The following KIF7 variants were observed in gnomAD, a reference collection of about 807,000 sequenced individuals.
KIF7 encodes the protein kinesin family member 7.
A neutral mutation model predicts 135.7 loss-of-function variants in KIF7; 104 were observed. That is an observed-to-expected ratio of 0.77 (90% CI 0.65 to 0.90). The LOEUF (loss-of-function observed/expected upper bound fraction) is 0.90. KIF7 is among the 40% of genes least tolerant of loss of function. The pLI, the probability that KIF7 is intolerant of heterozygous loss-of-function variation, is 0.00. For missense variants in KIF7, 2,005 were observed against 1,839.1 expected, an observed-to-expected ratio of 1.09 and a Z score of -1.65; for synonymous variants, 883 against 809.4, an observed-to-expected ratio of 1.09 and a Z score of -1.54.
In KIF7 at chr15:89,634,617, G is replaced by A. The variant is rs544921029; in HGVS notation, c.2395-734C>T. Among the ~76,000 whole-genome samples, 10 of 152,334 alleles carry A rather than the reference G, an allele frequency of 6.6e-5. No homozygotes were observed. The South Asian group carries it at 1.0e-3, about 16-fold the overall frequency. On this transcript the variant is annotated intron_variant, in intron 11 of 18. Transcript: ENST00000394412. ...TCCCACCAGAATACTGCGCTTTTCC[G>A]ATGGGCTTAAAAAAGGCACACCAGG... is the stretch of plus-strand genomic sequence containing the variant.
chr15:89,629,255 G>C, intron 17 of KIF7, 120 bp downstream of exon 17: 1 of 1,222,288 alleles, frequency 8.2e-7, no homozygotes, highest in African/African-American at 1.7e-5. Context: ...CAGGGCTGTA[G>C]GTGCAGGGGC....
At chr15:89,625,569 G>C, downstream of KIF7, 1 of 1,613,068 alleles carries the variant, frequency 6.2e-7, no homozygotes, top group Non-Finnish European at 8.5e-7. Flanking sequence ...CGCCTCCCAG[G>C]AACAGCATGC....
chr15:89,617,407 T>A (rs1449483939), intron 2 of KIF7, among the ~76,000 whole-genome samples: 4 of 152,256 alleles, frequency 2.6e-5, no homozygotes, highest in African/African-American at 9.6e-5. Flanking sequence ...TTGCTGCTCA[T>A]TACTGTGATA....
chr15:89,629,008 A>T lies in KIF7; in HGVS notation c.3632T>A (p.Leu1211His). The change falls in exon 18 of 19, where the codon CTC (leucine) becomes CAC (histidine). Residue 1211 changes from leucine (L) to histidine (H), a missense_variant. Leu to His is a moderately conservative substitution (Grantham distance 99, BLOSUM62 -3). Transcript: ENST00000394412. ...MWINQELKQK[L>H]GGVNAVGHSR... ...GTGGCCTACAGCGTTCACACCGCCG[A>T]GCTTCTGTTTCAGTTCCTGGTTTAT... 4 of 1,613,432 alleles carry T rather than the reference A, an allele frequency of 2.5e-6. No homozygotes were observed. The highest frequency in any genetic ancestry group is 3.4e-6 in the Non-Finnish European group (4 of 1,179,890).
chr15:89,632,731 T>C, intron 14 of KIF7, 89 bp downstream of exon 14: 1 of 1,416,930 alleles, frequency 7.1e-7, no homozygotes. Context: ...GAAACTTACT[T>C]GGCAGGAGCT....
chr15:89,639,678 T>A (rs997846759), intron 11 of KIF7, among the ~76,000 whole-genome samples: 1 of 140,260 alleles, frequency 7.1e-6, no homozygotes, highest in Admixed American at 7.2e-5. Flanking sequence ...ATAGGAACAC[T>A]TTTACACTGT....
At position 89,654,187 on chromosome 15, in the gene KIF7, T is replaced by G. The variant is rs553488176; in HGVS notation, c.-25+1212A>C. ...ACCACGCCCGGCTAATTTTTTGTATTTTTCATAGAGACAGGGTTTCACCGT... is the reference window on the plus strand; with the variant it reads ...ACCACGCCCGGCTAATTTTTTGTATGTTTCATAGAGACAGGGTTTCACCGT... On this transcript the variant is annotated intron_variant, in intron 1 of 18. Coordinates refer to ENST00000394412, the MANE Select transcript of KIF7 (RefSeq NM_198525.3). 3.3e-5 allele frequency among the ~76,000 whole-genome samples: 5 copies of G among 152,154 alleles called. No individual in the cohort carries two copies. In the South Asian group the frequency reaches 1.0e-3, roughly 32 times the overall value.
intron 2 of KIF7, 98 bp from the exon 3 acceptor site, chr15:89,650,039 G>A: frequency 7.9e-7 from 1 of 1,260,346 alleles, no homozygotes; most frequent in Non-Finnish European, 1.1e-6. Flanking sequence ...GCTGGAGGAT[G>A]GTGCTCTAGG....
intron 1 of KIF7, among the ~76,000 whole-genome samples, chr15:89,622,003 T>TTTG (rs1963434406): frequency 6.7e-6 from 1 of 148,500 alleles, no homozygotes; most frequent in African/African-American, 2.5e-5. Context: ...TTTTTTTTTT[T>TTTG]GGAGACAGAG....
upstream of KIF7, among the ~76,000 whole-genome samples, chr15:89,656,692 A>G (rs1287905927): frequency 6.6e-6 from 1 of 152,222 alleles, no homozygotes; most frequent in African/African-American, 2.4e-5. Flanking sequence ...CCAAGCATCT[A>G]TCTGTCAGAT....
intron 11 of KIF7, among the ~76,000 whole-genome samples, chr15:89,635,837 G>C (rs1463544883): frequency 6.6e-6 from 1 of 152,148 alleles, no homozygotes; most frequent in Non-Finnish European, 1.5e-5. Flanking sequence ...ACGCCACAAA[G>C]ATACTCCTCA....
In KIF7 at chr15:89,654,630, G is replaced by A. The variant is rs1377203986; in HGVS notation, c.-25+769C>T. Reference sequence around the variant, plus strand: ...TCCCCGACCTCCCAGACCAGGAGCTGGAAGGCAGGGACCCTCTGGGTCCAC... The same window carrying A: ...TCCCCGACCTCCCAGACCAGGAGCTAGAAGGCAGGGACCCTCTGGGTCCAC... On this transcript the variant is annotated intron_variant, in intron 1 of 18. Coordinates refer to ENST00000394412, the MANE Select transcript of KIF7 (RefSeq NM_198525.3). Among the ~76,000 whole-genome samples the A allele has an allele frequency of 4.6e-5, 7 of 152,236 alleles. No individual in the cohort carries two copies. The East Asian group carries it at 1.2e-3, about 25-fold the overall frequency.
At chr15:89,638,700 A>G (rs1420458776) in intron 11 of KIF7, among the ~76,000 whole-genome samples, 2 of 150,872 alleles carry the variant, frequency 1.3e-5, no homozygotes, top group Non-Finnish European at 3.0e-5. Context: ...AATCAATATC[A>G]TGAAAATGGC....
Position 89,631,505 on chromosome 15 carries a change from A to G in KIF7, c.3101T>C (p.Leu1034Pro). 6.3e-7 allele frequency: 1 copy of G among 1,575,636 alleles called. No individual in the cohort carries two copies. Among genetic ancestry groups the G allele is most frequent in the Non-Finnish European group, 8.6e-7 (1 of 1,160,414 alleles). ...GGGGCCGCAGGGTACCTCGGGGGAC[A>G]GCAGACTCCCCTGCCTCAGCTTGCC... ...IDGKLRQGSL[L>P]SPEEERTLFQ... Residue 1034 changes from leucine to proline, a missense_variant, in exon 15 of 19, where the codon CTG (leucine) becomes CCG (proline). Transcript: ENST00000394412.
At chr15:89,630,633 G>A (rs1051068500) in intron 15 of KIF7, 140 bp from the exon 16 acceptor site, 3 of 729,350 alleles carry the variant, frequency 4.1e-6, no homozygotes, top group East Asian at 2.7e-5. Context: ...AGCCCATCGA[G>A]AGAGGTGCCC....
chr15:89,634,634 C>T (rs1963763654), intron 11 of KIF7, among the ~76,000 whole-genome samples: 1 of 152,192 alleles, frequency 6.6e-6, no homozygotes, highest in Non-Finnish European at 1.5e-5. Context: ...TTAAAAAAGG[C>T]ACACCAGGAG....
At chr15:89,649,486 A>C in intron 3 of KIF7, 119 bp from the exon 4 acceptor site, 1 of 1,196,614 alleles carries the variant, frequency 8.4e-7, no homozygotes, top group Non-Finnish European at 1.1e-6. Context: ...CTCCCTCCCC[A>C]TGCCCACGGG....
At chr15:89,642,018 TCTA>T (rs1317603219) in intron 11 of KIF7, among the ~76,000 whole-genome samples, 182 bp downstream of exon 11, 1 of 152,078 alleles carries the variant, frequency 6.6e-6, no homozygotes, top group Admixed American at 6.5e-5. Flanking sequence ...GCCCCCTGCC[TCTA>T]CTGTGTGTAA....
At chr15:89,641,271 C>G (rs1188309538) in intron 11 of KIF7, among the ~76,000 whole-genome samples, 1 of 152,058 alleles carries the variant, frequency 6.6e-6, no homozygotes, top group East Asian at 1.9e-4. Flanking sequence ...AAGTGGCCGT[C>G]TGCACACCAA....
Sources: allele counts gnomAD v4.1 joint callset (sites outside exome capture counted in the v4.1 genomes callset), GRCh38; gene constraint gnomAD v4.1.1; transcripts MANE v1.5; gene names NCBI Gene and HGNC (gene_info 2026-07-23, HGNC 2026-07-21).